The following SOX5 variants were observed in gnomAD, a reference collection of about 807,000 sequenced individuals.
The protein encoded by SOX5 is transcription factor SOX-5.
A neutral mutation model predicts 92.0 loss-of-function variants in SOX5; 9 were observed. The ratio of observed to expected loss-of-function variants is 0.10; its 90% CI spans 0.06 to 0.17. SOX5 has a LOEUF of 0.17. Ranked by LOEUF, SOX5 falls within the 10% of genes least tolerant of loss-of-function variation. The pLI is 1.00. For missense variants in SOX5, 642 were observed against 944.5 expected (o/e 0.68, Z 4.20); for synonymous variants, 344 against 336.3 (o/e 1.02, Z -0.25).
chr12:23,554,488 G>T (rs533463254), intron 11 of SOX5, among the ~76,000 whole-genome samples: 5 of 152,230 alleles, frequency 3.3e-5, no homozygotes, highest in African/African-American at 1.2e-4. Flanking sequence ...GCTTTGAGCT[G>T]TAAGACTTCA....
intron 1 of SOX5, among the ~76,000 whole-genome samples, chr12:24,514,388 A>G (rs1949589019): frequency 6.6e-6 from 1 of 152,198 alleles, no homozygotes. Context: ...TAAAAATCAG[A>G]GTCCACATTC....
chr12:23,576,955 TACCAATA>T (rs1949213617), intron 9 of SOX5, among the ~76,000 whole-genome samples: 1 of 151,304 alleles, frequency 6.6e-6, no homozygotes, highest in Admixed American at 6.6e-5. Flanking sequence ...ATAAAATATT[TACCAATA>T]ACAGGATTTG....
chr12:23,850,232 T>C (rs1333486295), intron 2 of SOX5, among the ~76,000 whole-genome samples: 2 of 151,850 alleles, frequency 1.3e-5, no homozygotes, highest in East Asian at 1.9e-4. Context: ...AGATCGAGAC[T>C]GTCCTGGCCA....
intron 6 of SOX5, among the ~76,000 whole-genome samples, chr12:23,690,279 C>T (rs1236440067): frequency 2.6e-5 from 4 of 152,186 alleles, no homozygotes; most frequent in Admixed American, 2.6e-4. Flanking sequence ...ATAAACTCAT[C>T]TTTGGCTATA....
At chr12:23,851,205 C>T (rs16926779) in intron 2 of SOX5, among the ~76,000 whole-genome samples, 91 of 152,010 alleles carry the variant, frequency 6.0e-4, no homozygotes, top group South Asian at 1.5e-3. Context: ...GAAAGAGATA[C>T]ATATTTTAGT....
intron 3 of SOX5, among the ~76,000 whole-genome samples, chr12:24,232,716 C>T (rs750590228): frequency 3.3e-5 from 5 of 152,220 alleles, no homozygotes; most frequent in Non-Finnish European, 7.3e-5. Flanking sequence ...TTCATGGCCA[C>T]TGCAATAGCT....
At chr12:23,828,195 TA>T (rs1229880590) in intron 3 of SOX5, among the ~76,000 whole-genome samples, 1 of 152,204 alleles carries the variant, frequency 6.6e-6, no homozygotes, top group African/African-American at 2.4e-5. Flanking sequence ...GCTTGGAGCC[TA>T]GGGGCGATAG....
chr12:24,439,346 C>A (rs74779886), intron 1 of SOX5, among the ~76,000 whole-genome samples: 1 of 152,230 alleles, frequency 6.6e-6, no homozygotes, highest in East Asian at 1.9e-4. Flanking sequence ...TGCTTTATTG[C>A]GGTGGTCTGG....
intron 4 of SOX5, among the ~76,000 whole-genome samples, chr12:24,142,533 G>C (rs1015816910): frequency 6.6e-6 from 1 of 151,826 alleles, no homozygotes; most frequent in Non-Finnish European, 1.5e-5. Flanking sequence ...TACTTTTTAC[G>C]TAAAGCACAA....
chr12:23,561,856 C>G (rs1946268410), intron 11 of SOX5, among the ~76,000 whole-genome samples: 1 of 150,752 alleles, frequency 6.6e-6, no homozygotes, highest in African/African-American at 2.4e-5. Context: ...CTGAATGCAA[C>G]CAACTGCTGT....
At chr12:24,122,414 T>C (rs960086819) in intron 4 of SOX5, among the ~76,000 whole-genome samples, 6 of 152,264 alleles carry the variant, frequency 3.9e-5, no homozygotes, top group African/African-American at 1.4e-4. Context: ...CAAAGGACAA[T>C]AGCATCTGCT....
intron 6 of SOX5, among the ~76,000 whole-genome samples, chr12:23,716,924 C>T (rs1310311562): frequency 6.6e-6 from 1 of 152,110 alleles, no homozygotes; most frequent in East Asian, 1.9e-4. Flanking sequence ...TCAAGGTACC[C>T]TTAAAGATAC....
intron 4 of SOX5, among the ~76,000 whole-genome samples, chr12:24,164,059 T>C (rs1202862155): frequency 6.6e-6 from 1 of 152,150 alleles, no homozygotes; most frequent in Non-Finnish European, 1.5e-5. Context: ...TATTTGCCCA[T>C]GGAACAAATA....
intron 4 of SOX5, among the ~76,000 whole-genome samples, chr12:24,103,937 T>C (rs1946382754): frequency 6.6e-6 from 1 of 152,194 alleles, no homozygotes; most frequent in Non-Finnish European, 1.5e-5. Context: ...CAAAAATTGC[T>C]AAGGGAAGTC....
chr12:23,757,471 C>T (rs902440053), intron 3 of SOX5, among the ~76,000 whole-genome samples: 2 of 151,892 alleles, frequency 1.3e-5, no homozygotes, highest in African/African-American at 2.4e-5. Flanking sequence ...TGAAATACTT[C>T]CACAAGGACT....
chr12:24,263,701 T>C (rs998680657), intron 3 of SOX5, among the ~76,000 whole-genome samples: 3 of 152,138 alleles, frequency 2.0e-5, no homozygotes, highest in African/African-American at 7.2e-5. Context: ...GTAATGAACA[T>C]CTTGGAGATT....
At chr12:23,971,961 G>A (rs1185067621) in intron 4 of SOX5, among the ~76,000 whole-genome samples, 1 of 152,170 alleles carries the variant, frequency 6.6e-6, no homozygotes, top group Non-Finnish European at 1.5e-5. Flanking sequence ...TATAAAAAGA[G>A]TAAAATTAGA....
rs16926690 is a variant in SOX5, at chr12:23,734,868, C to G, written c.742-116G>C. 2.2e-5 allele frequency: 15 copies of G among 695,576 alleles called. No individual in the cohort carries two copies. In the South Asian group the frequency reaches 2.2e-4, roughly 10 times the overall value. 43.1% of individuals were successfully genotyped at this position (695,576 alleles called of 1,614,324 possible). On this transcript the variant is annotated intron_variant, in intron 5 of 14. Transcript: ENST00000451604. The stretch of plus-strand genomic sequence containing the variant: ...CACTGATTAAGATGATGAAAATAGA[C>G]GTGTCTGTGCTCCTAAATTATCAGC...
intron 6 of SOX5, among the ~76,000 whole-genome samples, chr12:23,705,259 A>G (rs1211944844): frequency 6.6e-6 from 1 of 151,974 alleles, no homozygotes; most frequent in Admixed American, 6.6e-5. Flanking sequence ...AACGTTTAAT[A>G]CTTCACAGAC....
Sources: allele counts gnomAD v4.1 joint callset (sites outside exome capture counted in the v4.1 genomes callset), GRCh38; gene constraint gnomAD v4.1.1; transcripts MANE v1.5; gene names NCBI Gene and HGNC (gene_info 2026-07-23, HGNC 2026-07-21).